Variants in GPC6 observed in about 807,000 individuals in gnomAD.
GPC6 encodes glypican 6.
A neutral mutation model predicts 55.2 loss-of-function variants in GPC6; 14 were observed. That is an observed-to-expected ratio of 0.25 (90% CI 0.17 to 0.40). The LOEUF is 0.40. GPC6 is among the 10% of genes least tolerant of loss of function. The pLI, the probability that GPC6 is intolerant of heterozygous loss-of-function variation, is 1.00. For missense variants in GPC6, 641 were observed against 708.5 expected (o/e 0.90, Z 1.08); for synonymous variants, 278 against 259.6 (o/e 1.07, Z -0.68).
intron 2 of GPC6, among the ~76,000 whole-genome samples, chr13:93,551,319 A>C (rs1234059268): frequency 1.3e-5 from 2 of 151,914 alleles, no homozygotes; most frequent in Non-Finnish European, 2.9e-5. Flanking sequence ...AAAAAAAAAA[A>C]AACACAATTT....
At chr13:94,359,219 GA>G (rs749506582) in intron 6 of GPC6, among the ~76,000 whole-genome samples, 27 of 152,154 alleles carry the variant, frequency 1.8e-4, no homozygotes, top group Non-Finnish European at 3.1e-4. Context: ...GCTTGAAAAA[GA>G]AGGTCGGTTT....
chr13:93,224,954 A>G (rs1237478127), upstream of GPC6, among the ~76,000 whole-genome samples: 2 of 152,234 alleles, frequency 1.3e-5, no homozygotes, highest in African/African-American at 4.8e-5. Context: ...AGATCATTTT[A>G]TAAGTATAGG....
In GPC6 at chr13:94,194,619, G is replaced by T. The variant is rs147782693; in HGVS notation, c.878-91730G>T. ...CTCGGAGGGAAAGGGTGGGAAGGTG[G>T]CGAGGGATAAAAAACAACAAATTGT... On this transcript the variant is annotated intron_variant, in intron 4 of 8. Coordinates refer to ENST00000377047, the MANE Select transcript of GPC6 (RefSeq NM_005708.5). Among the ~76,000 whole-genome samples the T allele has an allele frequency of 1.0e-3, 157 of 152,240 alleles. 2 individuals carry two copies. The East Asian group carries it at 0.024, about 23-fold the overall frequency.
intron 2 of GPC6, among the ~76,000 whole-genome samples, chr13:93,740,688 G>T (rs888962453): frequency 1.3e-5 from 2 of 152,100 alleles, no homozygotes; most frequent in Non-Finnish European, 2.9e-5. Flanking sequence ...AGTTCAGCTT[G>T]TGGCAGTTCA....
At chr13:93,277,639 AAGAC>A (rs1877802492) in intron 1 of GPC6, among the ~76,000 whole-genome samples, 2 of 152,198 alleles carry the variant, frequency 1.3e-5, no homozygotes, top group Non-Finnish European at 1.5e-5. Context: ...TCTGTGGACA[AAGAC>A]AGTGGTTAAA....
rs575504683 is a variant in GPC6 at position 94,400,755 on chromosome 13, A to T, written c.1465+2114A>T. 2.6e-5 allele frequency among the ~76,000 whole-genome samples: 4 copies of T among 152,346 alleles called. No homozygotes were observed. In the South Asian group the frequency reaches 8.3e-4, roughly 32 times the overall value. ...CAACAGAGCATCACCACTTCGGACT[A>T]GCAGGGAGGAGTTTAGGGACATTGG... On this transcript the variant is annotated intron_variant, in intron 8 of 8. Coordinates refer to ENST00000377047, the MANE Select transcript of GPC6 (RefSeq NM_005708.5).
intron 4 of GPC6, among the ~76,000 whole-genome samples, chr13:94,198,600 T>C (rs2138972453): frequency 6.6e-6 from 1 of 152,370 alleles, no homozygotes; most frequent in Admixed American, 6.5e-5. Flanking sequence ...AATCTCAGGC[T>C]GTGTCCGTTC....
At chr13:94,067,289 C>T (rs1267341670) in intron 4 of GPC6, among the ~76,000 whole-genome samples, 1 of 152,134 alleles carries the variant, frequency 6.6e-6, no homozygotes, top group Non-Finnish European at 1.5e-5. Context: ...AGAAGTTTAA[C>T]TCAGTCCTTT....
intron 3 of GPC6, among the ~76,000 whole-genome samples, chr13:93,883,084 C>G (rs1302696628): frequency 4.6e-5 from 7 of 151,140 alleles, no homozygotes; most frequent in African/African-American, 1.7e-4. Context: ...AATTCCCAAT[C>G]TTACTGCAGC....
chr13:93,891,536 A>G (rs1356163460), intron 3 of GPC6, among the ~76,000 whole-genome samples: 2 of 152,158 alleles, frequency 1.3e-5, no homozygotes, highest in Admixed American at 6.6e-5. Context: ...TTGAGGCAAT[A>G]CATTGAAACA....
intron 1 of GPC6, among the ~76,000 whole-genome samples, chr13:93,251,077 T>A (rs8002099): frequency 6.6e-6 from 1 of 151,816 alleles, no homozygotes; most frequent in Non-Finnish European, 1.5e-5. Flanking sequence ...GAGGAAACCA[T>A]CCCCATGATT....
At chr13:94,166,668 C>A (rs1179420702) in intron 4 of GPC6, among the ~76,000 whole-genome samples, 1 of 152,120 alleles carries the variant, frequency 6.6e-6, no homozygotes, top group Non-Finnish European at 1.5e-5. Flanking sequence ...AAGATGACAG[C>A]ACATCCTGAC....
intron 1 of GPC6, among the ~76,000 whole-genome samples, chr13:93,275,992 A>C (rs540255494): frequency 6.6e-6 from 1 of 152,248 alleles, no homozygotes; most frequent in East Asian, 1.9e-4. Flanking sequence ...CTCCTGCCTC[A>C]GCCTCCCGAG....
intron 7 of GPC6, among the ~76,000 whole-genome samples, chr13:94,397,689 G>C (rs1194499834): frequency 3.3e-5 from 5 of 152,172 alleles, no homozygotes; most frequent in Non-Finnish European, 7.4e-5. Flanking sequence ...TGAATCATAT[G>C]TAATTTATAA....
chr13:93,794,511 T>C (rs1886140841), intron 2 of GPC6, among the ~76,000 whole-genome samples: 1 of 152,180 alleles, frequency 6.6e-6, no homozygotes. Flanking sequence ...ATCAGCGCTA[T>C]AAACACCACA....
intron 4 of GPC6, among the ~76,000 whole-genome samples, chr13:94,071,835 T>C (rs1363357070): frequency 6.6e-6 from 1 of 152,204 alleles, no homozygotes; most frequent in Non-Finnish European, 1.5e-5. Context: ...AAGTGGTAGC[T>C]AACAGTATTT....
intron 1 of GPC6, among the ~76,000 whole-genome samples, chr13:93,343,600 CAA>C (rs1880335019): frequency 6.6e-6 from 1 of 152,136 alleles, no homozygotes; most frequent in Non-Finnish European, 1.5e-5. Context: ...TTTTATTACT[CAA>C]AGATTCCTTT....
At chr13:94,134,450 G>A (rs996988558) in intron 4 of GPC6, among the ~76,000 whole-genome samples, 1 of 152,180 alleles carries the variant, frequency 6.6e-6, no homozygotes, top group Non-Finnish European at 1.5e-5. Context: ...TCCCCCAGAA[G>A]AATGTGTCCC....
Position 93,562,968 on chromosome 13 carries a change from C to T in GPC6, c.319+17547C>T, listed in dbSNP as rs148847528. 4.5e-3 allele frequency among the ~76,000 whole-genome samples: 683 copies of T among 152,196 alleles called. 5 individuals carry two copies. Among genetic ancestry groups the T allele is most frequent in the Middle Eastern group, 0.01 (3 of 294 alleles). The stretch of plus-strand genomic sequence containing the variant: ...TACCTGTTACCAAACCCTACTTTCT[C>T]CATAAGGAAAACAAATCTAATTACC... On this transcript the variant is annotated intron_variant, in intron 2 of 8. Coordinates refer to ENST00000377047, the MANE Select transcript of GPC6 (RefSeq NM_005708.5).
Sources: gnomAD v4.1 joint callset for allele counts (sites outside exome capture counted in the v4.1 genomes callset) on GRCh38, gnomAD v4.1.1 for gene constraint, MANE v1.5 for transcripts, NCBI Gene and HGNC (gene_info 2026-07-23, HGNC 2026-07-21) for gene names.